The following PDE4DIP variants were observed in gnomAD, a reference collection of about 807,000 sequenced individuals.
The protein encoded by PDE4DIP is phosphodiesterase 4D interacting protein, also known as myomegalin.
Under a neutral mutation model 221.4 loss-of-function variants are expected in PDE4DIP, and 59 were observed. The observed-to-expected ratio is 0.27, with a 90% CI of 0.22 to 0.33. The LOEUF is 0.33. PDE4DIP is among the 10% of genes least tolerant of loss of function. The pLI is 1.00. For synonymous variants in PDE4DIP, 404 were observed against 815.9 expected (o/e 0.50, Z 8.60); for missense variants, 1,036 against 2,154.2 (o/e 0.48, Z 10.28).
intron 1 of PDE4DIP, among the ~76,000 whole-genome samples, chr1:148,915,143 TTTG>T: frequency 6.6e-6 from 1 of 150,556 alleles, no homozygotes; most frequent in Non-Finnish European, 1.5e-5. Context: ...TTTTTGTTTG[TTTG>T]TTTGTTTGTT....
chr1:148,989,686 T>A (rs2062626607), intron 21 of PDE4DIP, among the ~76,000 whole-genome samples: 1 of 152,176 alleles, frequency 6.6e-6, no homozygotes, highest in Non-Finnish European at 1.5e-5. Context: ...TAGCCCCATG[T>A]TCAAAAGAGA....
chr1:149,023,512 G>A (rs1179027364), intron 37 of PDE4DIP, among the ~76,000 whole-genome samples: 2 of 147,406 alleles, frequency 1.4e-5, no homozygotes, highest in Non-Finnish European at 3.0e-5. Flanking sequence ...AAATAGCCAT[G>A]TGGTGAATGG....
intron 4 of PDE4DIP, among the ~76,000 whole-genome samples, chr1:148,937,539 A>C (rs1202697917): frequency 2.0e-5 from 3 of 152,192 alleles, no homozygotes; most frequent in Non-Finnish European, 4.4e-5. Flanking sequence ...AACGTGGTGA[A>C]AATGTAAGCA....
rs587688246 is a variant in PDE4DIP at position 148,965,399 on chromosome 1, A to G, written c.1195-85A>G. ...ACCCTCTGCTCCTCTTTCAGTTTAT[A>G]TACCTTGAAAATTTTAAGGCCTCTG... On this transcript the variant is annotated intron_variant, in intron 9 of 43. Coordinates refer to ENST00000369354, the Ensembl canonical transcript of PDE4DIP. The G allele has an allele frequency of 4.0e-3, 3,235 of 811,908 alleles. 8 individuals are homozygous for G. The highest frequency in any genetic ancestry group is 0.012 in the Middle Eastern group (49 of 4,204). The allele number at this position is 811,908 out of a possible 1,614,324, so 50.3% of individuals were successfully genotyped here.
intron 32 of PDE4DIP, 152 bp from the exon 36 acceptor site, chr1:149,016,147 C>A (rs1194318743): frequency 3.7e-6 from 2 of 534,006 alleles, no homozygotes; most frequent in Non-Finnish European, 6.8e-6. Flanking sequence ...AGGTTACAAG[C>A]CTTAGTCTAA....
chr1:148,955,737 A>G (rs2055119628), intron 5 of PDE4DIP, among the ~76,000 whole-genome samples: 1 of 152,152 alleles, frequency 6.6e-6, no homozygotes, highest in Non-Finnish European at 1.5e-5. Flanking sequence ...GAACACATAT[A>G]AACTATGGTA....
At chr1:148,947,879 A>G (rs2052192049) in intron 5 of PDE4DIP, among the ~76,000 whole-genome samples, 1 of 150,670 alleles carries the variant, frequency 6.6e-6, no homozygotes, top group African/African-American at 2.5e-5. Context: ...TGGTTTTCAA[A>G]GTGTGATTCC....
chr1:148,850,875 TAACAG>T (rs1678834171), intron 1 of PDE4DIP, among the ~76,000 whole-genome samples: 1 of 104,812 alleles, frequency 9.5e-6, no homozygotes, highest in African/African-American at 3.0e-5. Context: ...ATATTGTACT[TAACAG>T]ATCTCCATTG....
exon 18 of PDE4DIP, chr1:148,977,952 C>A: frequency 1.2e-6 from 2 of 1,613,806 alleles, no homozygotes; most frequent in South Asian, 2.2e-5. Context: ...ACTTTCTGCT[C>A]TACAGTCCAT....
At chr1:148,947,920 T>C (rs1170797114) in intron 5 of PDE4DIP, among the ~76,000 whole-genome samples, 2 of 151,524 alleles carry the variant, frequency 1.3e-5, no homozygotes, top group East Asian at 3.9e-4. Flanking sequence ...ATCTGGGAAC[T>C]TGTCAGGAAT....
chr1:148,821,813 C>T lies in PDE4DIP; in HGVS notation c.233+13076C>T, dbSNP rs1669338338. On this transcript the variant is annotated intron_variant, in intron 1 of 45. Transcript: ENST00000524974. The stretch of plus-strand genomic sequence containing the variant: ...TATTGGAAAACAGACCTTAGGAGGC[C>T]AAGAGTGGAAGGAAGGGAGCTGCTT... 3.3e-5 allele frequency among the ~76,000 whole-genome samples: 5 copies of T among 149,370 alleles called. No individual in the cohort carries two copies. The South Asian group carries it at 1.1e-3, about 32-fold the overall frequency.
At chr1:148,998,196 A>G (rs781998324) in exon 23 of PDE4DIP, 11 of 1,494,316 alleles carry the variant, frequency 7.4e-6, no homozygotes, top group African/African-American at 1.4e-5. Flanking sequence ...CCCAGAACCC[A>G]TCTTTTTCCC....
chr1:148,975,501 A>C (rs1213919919), intron 17 of PDE4DIP, among the ~76,000 whole-genome samples: 14 of 151,534 alleles, frequency 9.2e-5, no homozygotes, highest in Non-Finnish European at 1.2e-4. Context: ...CTATGATTCA[A>C]ACTCAAGCCT....
chr1:148,989,327 C>G, intron 21 of PDE4DIP: 1 of 898,996 alleles, frequency 1.1e-6, no homozygotes, highest in Non-Finnish European at 1.4e-6. Flanking sequence ...AAACAAAACC[C>G]CTGTGTGGCA....
intron 21 of PDE4DIP, chr1:148,990,038 A>C (rs2062710539): frequency 6.0e-6 from 1 of 165,874 alleles, no homozygotes; most frequent in East Asian, 1.9e-4. Flanking sequence ...TAGAGGCTTC[A>C]CTGAACAGGA....
intron 21 of PDE4DIP, chr1:148,981,612 T>C (rs2061082043): frequency 1.9e-6 from 1 of 537,672 alleles, no homozygotes; most frequent in South Asian, 2.1e-5. Context: ...TGGATCTCAC[T>C]GTACATACAT....
intron 37 of PDE4DIP, among the ~76,000 whole-genome samples, chr1:149,021,971 G>A (rs1363524729): frequency 6.8e-5 from 10 of 147,952 alleles, no homozygotes; most frequent in East Asian, 4.9e-4. Flanking sequence ...AACAGAGGAC[G>A]ACATCAATGT....
chr1:149,015,541 G>C (rs1251426469), intron 32 of PDE4DIP, among the ~76,000 whole-genome samples: 4 of 152,188 alleles, frequency 2.6e-5, no homozygotes, highest in Admixed American at 2.6e-4. Flanking sequence ...TCTTTTTACA[G>C]AGAAGTGGAG....
chr1:148,952,675 A>G (rs1468136118), intron 5 of PDE4DIP: 1 of 1,420,738 alleles, frequency 7.0e-7, no homozygotes, highest in Admixed American at 2.9e-5. Flanking sequence ...TGCTGACCGG[A>G]GACCACCGAG....
Sources: gnomAD v4.1 joint callset for allele counts (sites outside exome capture counted in the v4.1 genomes callset) on GRCh38, gnomAD v4.1.1 for gene constraint, MANE v1.5 for transcripts, NCBI Gene and HGNC (gene_info 2026-07-23, HGNC 2026-07-21) for gene names.